The following M1AP variants were observed in gnomAD, a reference collection of about 807,000 sequenced individuals.
M1AP encodes the protein meiosis 1 associated protein.
A neutral mutation model predicts 51.2 loss-of-function variants in M1AP; 39 were observed. The ratio of observed to expected loss-of-function variants is 0.76; its 90% CI spans 0.59 to 1.00. The LOEUF is 1.00. M1AP is among the 50% of genes least tolerant of loss of function. The pLI, the probability that M1AP is intolerant of heterozygous loss-of-function variation, is 0.00. For synonymous variants in M1AP, 251 were observed against 249.2 expected (o/e 1.01, Z -0.07); for missense variants, 545 against 641.2 (o/e 0.85, Z 1.62).
intron 2 of M1AP, among the ~76,000 whole-genome samples, chr2:74,621,933 C>G (rs1453849559): frequency 6.7e-6 from 1 of 148,458 alleles, no homozygotes; most frequent in Non-Finnish European, 1.5e-5. Context: ...CATGGTGAAA[C>G]CCCACATCTA....
intron 2 of M1AP, chr2:74,615,454 TA>T (rs113763457): frequency 0.052 from 15,785 of 305,654 alleles, 1,625 homozygotes; most frequent in African/African-American, 0.26. Context: ...TGCTTAGTTT[TA>T]CTTTGGGGTG....
At chr2:74,585,175 A>T (rs1409830567) in intron 4 of M1AP, among the ~76,000 whole-genome samples, 1 of 152,092 alleles carries the variant, frequency 6.6e-6, no homozygotes, top group African/African-American at 2.4e-5. Flanking sequence ...GAATGTGTCT[A>T]TTGGAAGGGG....
intron 2 of M1AP, among the ~76,000 whole-genome samples, chr2:74,633,772 T>A (rs1682826489): frequency 6.6e-6 from 1 of 152,226 alleles, no homozygotes; most frequent in Non-Finnish European, 1.5e-5. Context: ...ACTTTTTCTT[T>A]AACAAAGGCC....
At position 74,575,430 on chromosome 2, in the gene M1AP, G is replaced by C. The variant is rs761190055; in HGVS notation, c.1074+8C>G. On this transcript the variant is annotated splice_region_variant and intron_variant, in intron 7 of 10. Transcript: ENST00000421985. Reference sequence around the variant, plus strand: ...TCTTCTTTTTCACCTGGGGACATGGGTACTCACCAGCAGGCTGTGACACAA... The same window carrying C: ...TCTTCTTTTTCACCTGGGGACATGGCTACTCACCAGCAGGCTGTGACACAA... 1 of 1,613,748 alleles carries C rather than the reference G, an allele frequency of 6.2e-7. No homozygotes were observed. The highest frequency in any genetic ancestry group is 1.1e-5 in the South Asian group (1 of 90,870).
rs1180504283 is a variant in M1AP, at chr2:74,614,987, C to G, written c.403G>C (p.Ala135Pro). 3 of 1,614,042 alleles carry G rather than the reference C, an allele frequency of 1.9e-6. No homozygotes were observed. The highest frequency in any genetic ancestry group is 2.5e-6 in the Non-Finnish European group (3 of 1,180,028). ...QYSRHVTTRA[A>P]LTYTSLEITI... ...ACCTCCAGGGAGGTATAGGTCAGAG[C>G]TGCCCTTGTGGTCACATGTCTGCTG... The change falls in exon 3 of 11, where the codon GCT (alanine) becomes CCT (proline). Residue 135 changes from alanine to proline, a missense_variant. By Grantham distance (27) the Ala-to-Pro change is conservative. Transcript: ENST00000421985.
chr2:74,585,564 T>G (rs1037990715), intron 4 of M1AP, among the ~76,000 whole-genome samples: 2 of 152,224 alleles, frequency 1.3e-5, no homozygotes, highest in African/African-American at 4.8e-5. Context: ...TCTGACATTC[T>G]TTTCTAACTT....
chr2:74,591,922 A>G (rs1680063613), intron 4 of M1AP, among the ~76,000 whole-genome samples: 1 of 151,986 alleles, frequency 6.6e-6, no homozygotes, highest in Non-Finnish European at 1.5e-5. Flanking sequence ...AGTAGCTGGG[A>G]TTACAGGCGC....
chr2:74,625,168 G>T (rs912063204), intron 2 of M1AP, among the ~76,000 whole-genome samples: 2 of 152,136 alleles, frequency 1.3e-5, no homozygotes, highest in African/African-American at 4.8e-5. Flanking sequence ...CTCTTACTAT[G>T]AATGAGGTTG....
At chr2:74,605,675 C>A (rs1421431064) in intron 4 of M1AP, among the ~76,000 whole-genome samples, 3 of 152,000 alleles carry the variant, frequency 2.0e-5, no homozygotes, top group South Asian at 2.1e-4. Context: ...CTGAGGCGGG[C>A]AGATCACAAG....
chr2:74,578,091 G>A (rs889724682), intron 5 of M1AP, among the ~76,000 whole-genome samples: 13 of 152,122 alleles, frequency 8.5e-5, no homozygotes, highest in African/African-American at 1.9e-4. Flanking sequence ...GACAGGAGGC[G>A]GAGCTCAGAT....
At chr2:74,593,313 G>T (rs184213863) in intron 4 of M1AP, among the ~76,000 whole-genome samples, 119 of 152,266 alleles carry the variant, frequency 7.8e-4, no homozygotes, top group African/African-American at 2.5e-3. Flanking sequence ...GTCTGGTTAG[G>T]TTCCAGTACC....
intron 2 of M1AP, chr2:74,620,997 A>C (rs537057893): frequency 6.5e-6 from 1 of 153,598 alleles, no homozygotes; most frequent in Non-Finnish European, 1.5e-5. Flanking sequence ...AATGCGCCAG[A>C]AAGGCCGGGC....
chr2:74,561,181 G>A (rs1573053051), intron 8 of M1AP, among the ~76,000 whole-genome samples: 1 of 135,102 alleles, frequency 7.4e-6, no homozygotes, highest in Non-Finnish European at 1.6e-5. Context: ...GGAGGAGGAG[G>A]AGAAGGAGGA....
intron 4 of M1AP, among the ~76,000 whole-genome samples, chr2:74,593,103 C>G (rs192173455): frequency 1.1e-4 from 17 of 152,234 alleles, no homozygotes; most frequent in African/African-American, 3.9e-4. Context: ...TAAAGCAGTG[C>G]TGTCAAACGT....
chr2:74,558,598 C>T lies in M1AP; in HGVS notation c.*118G>A. 1 of 1,217,452 alleles carries T rather than the reference C, an allele frequency of 8.2e-7. No individual in the cohort carries two copies. Among genetic ancestry groups the T allele is most frequent in the Non-Finnish European group, 1.2e-6 (1 of 861,284 alleles). The allele number at this position is 1,217,452 out of a possible 1,614,324, so 75.4% of individuals were successfully genotyped here. A position where few individuals can be genotyped will look rare whatever the true frequency, so the allele number is the denominator to read the frequency against. ...GACAGGAAGGCTGTTGTTTCCCAGT[C>T]AGCCCTCACTCACAGAGGCTCAGGC... is the stretch of plus-strand genomic sequence containing the variant. On this transcript the variant is annotated 3_prime_UTR_variant, in exon 11 of 11. Coordinates refer to ENST00000421985, the MANE Select transcript of M1AP (RefSeq NM_001321739.2).
Position 74,615,002 on chromosome 2 carries a change from CAT to C in M1AP, c.386_387del (p.His129ArgfsTer48), listed in dbSNP as rs1296237411. The C allele has an allele frequency of 1.9e-6, 3 of 1,614,078 alleles. No individual in the cohort carries two copies. The highest frequency in any genetic ancestry group is 2.5e-6 in the Non-Finnish European group (3 of 1,180,032). ...GLQQFKQYSR[H>X]VTTRAALTYT... ...TAGGTCAGAGCTGCCCTTGTGGTCA[CAT>C]GTCTGCTGTATTGTTTGAATTGCTG... is the stretch of plus-strand genomic sequence containing the variant. On this transcript the variant is annotated frameshift_variant, in exon 3 of 11. Coordinates refer to ENST00000421985, the MANE Select transcript of M1AP (RefSeq NM_001321739.2). LOFTEE classifies it high-confidence loss of function.
At chr2:74,643,086 T>C (rs1683380858) in intron 1 of M1AP, among the ~76,000 whole-genome samples, 1 of 152,122 alleles carries the variant, frequency 6.6e-6, no homozygotes, top group South Asian at 2.1e-4. Flanking sequence ...ATAATTTATC[T>C]ATAGAACTTT....
chr2:74,587,513 T>A (rs1679784568), intron 4 of M1AP, among the ~76,000 whole-genome samples: 1 of 152,210 alleles, frequency 6.6e-6, no homozygotes, highest in Non-Finnish European at 1.5e-5. Context: ...TTTTCCTTTT[T>A]TAAAGCTTTT....
At chr2:74,598,412 T>TAAAA (rs1285197464) in intron 4 of M1AP, among the ~76,000 whole-genome samples, 2 of 151,848 alleles carry the variant, frequency 1.3e-5, no homozygotes, top group Non-Finnish European at 2.9e-5. Flanking sequence ...AATAAATAAA[T>TAAAA]AAAAGTAGTT....
Sources: gnomAD v4.1 joint callset for allele counts (sites outside exome capture counted in the v4.1 genomes callset) on GRCh38, gnomAD v4.1.1 for gene constraint, MANE v1.5 for transcripts, NCBI Gene and HGNC (gene_info 2026-07-23, HGNC 2026-07-21) for gene names.